Variants in IL34 observed in about 807,000 individuals in gnomAD.
IL34 encodes interleukin 34, also known as interleukin-34.
Under a neutral mutation model 25.3 loss-of-function variants are expected in IL34, and 17 were observed. That is an observed-to-expected ratio of 0.67 (90% CI 0.46 to 1.01). The LOEUF (loss-of-function observed/expected upper bound fraction) is 1.01. Among genes scored for constraint, IL34 ranks in the 50% least tolerant of loss-of-function variants. The pLI, the probability that IL34 is intolerant of heterozygous loss-of-function variation, is 0.00. For synonymous variants in IL34, 174 were observed against 140.9 expected (o/e 1.23, Z -1.66); for missense variants, 368 against 312.9 (o/e 1.18, Z -1.33).
intron 1 of IL34, among the ~76,000 whole-genome samples, chr16:70,618,190 T>A (rs941544988): frequency 1.3e-5 from 2 of 152,038 alleles, no homozygotes; most frequent in African/African-American, 4.8e-5. Context: ...TAGCCTGCCT[T>A]TGCTGGTGTG....
intron 1 of IL34, among the ~76,000 whole-genome samples, chr16:70,627,189 A>G (rs1204140010): frequency 1.3e-5 from 2 of 152,180 alleles, no homozygotes; most frequent in Non-Finnish European, 2.9e-5. Context: ...GAGCTCTTTC[A>G]GGCTATTCTT....
chr16:70,646,610 G>C lies in IL34; in HGVS notation c.-338G>C. On this transcript the variant is annotated 5_prime_UTR_variant, in exon 1 of 6. Transcript: ENST00000288098. Reference sequence around the variant, plus strand: ...TCAGAGAAAGCGTCACCCAGCCCCAGATTCCGAGGGGCCTGCCAGGGACTC... The same window carrying C: ...TCAGAGAAAGCGTCACCCAGCCCCACATTCCGAGGGGCCTGCCAGGGACTC... 1 of 355,592 alleles carries C rather than the reference G, an allele frequency of 2.8e-6. No homozygotes were observed. The allele number at this position is 355,592 out of a possible 1,614,324, so 22.0% of individuals were successfully genotyped here.
chr16:70,639,709 C>T (rs184831637), intron 1 of IL34, among the ~76,000 whole-genome samples: 1 of 152,284 alleles, frequency 6.6e-6, no homozygotes, highest in Admixed American at 6.5e-5. Context: ...AATCCCAGCA[C>T]TTAGGGAGGC....
chr16:70,641,362 A>G (rs1473461035), intron 1 of IL34, among the ~76,000 whole-genome samples: 1 of 152,240 alleles, frequency 6.6e-6, no homozygotes, highest in Admixed American at 6.5e-5. Context: ...AAAGGTGGAA[A>G]CAGCCCAAAA....
intron 1 of IL34, among the ~76,000 whole-genome samples, chr16:70,653,948 G>A (rs2052146643): frequency 6.6e-6 from 1 of 152,174 alleles, no homozygotes; most frequent in South Asian, 2.1e-4. Context: ...GTTGCAGGAA[G>A]AGAGGCAGCC....
intron 1 of IL34, among the ~76,000 whole-genome samples, chr16:70,652,926 G>A (rs931239023): frequency 5.9e-5 from 9 of 152,122 alleles, no homozygotes; most frequent in African/African-American, 1.4e-4. Context: ...GTGTATGACC[G>A]GGCATGGTGG....
intron 4 of IL34, 67 bp downstream of exon 4, chr16:70,657,188 G>GT: frequency 6.5e-7 from 1 of 1,530,172 alleles, no homozygotes; most frequent in Non-Finnish European, 8.9e-7. Context: ...TGTGTGTGAG[G>GT]TGTGGCCAAA....
chr16:70,585,255 C>T (rs2050679173), intron 1 of IL34, among the ~76,000 whole-genome samples: 1 of 152,144 alleles, frequency 6.6e-6, no homozygotes, highest in Admixed American at 6.6e-5. Context: ...AGCATAATGT[C>T]CTCAAGGAGT....
At chr16:70,620,749 A>C (rs548669326) in intron 1 of IL34, among the ~76,000 whole-genome samples, 1 of 152,292 alleles carries the variant, frequency 6.6e-6, no homozygotes, top group East Asian at 1.9e-4. Context: ...GAAAAATTCA[A>C]AGTGCTATTT....
intron 1 of IL34, among the ~76,000 whole-genome samples, chr16:70,621,701 G>A (rs1253102695): frequency 2.0e-5 from 3 of 152,108 alleles, no homozygotes; most frequent in Non-Finnish European, 2.9e-5. Context: ...GGCTGAGTCC[G>A]AAAAGAGAGT....
chr16:70,580,155 G>A (rs2050621331), intron 1 of IL34: 1 of 152,472 alleles, frequency 6.6e-6, no homozygotes, highest in Non-Finnish European at 1.5e-5. Context: ...CCCAGGAAGA[G>A]GGACCTGAGC....
At chr16:70,628,355 C>T (rs993615164) in intron 1 of IL34, among the ~76,000 whole-genome samples, 20 of 151,958 alleles carry the variant, frequency 1.3e-4, no homozygotes, top group African/African-American at 4.8e-4. Flanking sequence ...GCATTGTTTA[C>T]AGTTTTTTAG....
chr16:70,614,078 G>A (rs2051135792), intron 1 of IL34, among the ~76,000 whole-genome samples: 1 of 151,790 alleles, frequency 6.6e-6, no homozygotes, highest in African/African-American at 2.4e-5. Flanking sequence ...CAGCTACTCA[G>A]GAGGCTGAGG....
At chr16:70,631,286 C>T (rs116589530) in intron 1 of IL34, among the ~76,000 whole-genome samples, 87 of 152,222 alleles carry the variant, frequency 5.7e-4, no homozygotes, top group Non-Finnish European at 1.9e-4. Context: ...AGGGCCAGTA[C>T]CCATAGGCCT....
At chr16:70,638,283 C>T (rs2051701883) in intron 1 of IL34, among the ~76,000 whole-genome samples, 1 of 152,064 alleles carries the variant, frequency 6.6e-6, no homozygotes, top group Admixed American at 6.6e-5. Flanking sequence ...TCAAGACCAG[C>T]CTGGGCAACT....
chr16:70,591,570 TAAA>T (rs35725906), intron 1 of IL34, among the ~76,000 whole-genome samples: 10 of 127,158 alleles, frequency 7.9e-5, no homozygotes, highest in Admixed American at 8.0e-5. Flanking sequence ...TCCTGTCTCT[TAAA>T]AAAAAAAAAA....
upstream of IL34, among the ~76,000 whole-genome samples, chr16:70,642,367 G>C (rs1476032775): frequency 1.4e-5 from 2 of 145,748 alleles, no homozygotes; most frequent in Admixed American, 7.1e-5. Context: ...GCATGATCTC[G>C]GCTCACTGCA....
intron 1 of IL34, among the ~76,000 whole-genome samples, chr16:70,649,121 G>C (rs557192545): frequency 2.3e-4 from 35 of 152,268 alleles, no homozygotes; most frequent in African/African-American, 8.2e-4. Context: ...AGGGGGCTTA[G>C]CCTGCGAGGG....
chr16:70,587,381 T>G (rs1406521141), intron 1 of IL34, among the ~76,000 whole-genome samples: 2 of 152,080 alleles, frequency 1.3e-5, no homozygotes, highest in Non-Finnish European at 2.9e-5. Context: ...GCCATTCTCC[T>G]GCCTCAGCCT....
Sources: gnomAD v4.1 joint callset for allele counts (sites outside exome capture counted in the v4.1 genomes callset) on GRCh38, gnomAD v4.1.1 for gene constraint, MANE v1.5 for transcripts, NCBI Gene and HGNC (gene_info 2026-07-23, HGNC 2026-07-21) for gene names.